Variants in NXN observed in about 807,000 individuals in gnomAD.
NXN encodes the protein nucleoredoxin 1.
Under a neutral mutation model 48.6 loss-of-function variants are expected in NXN, and 16 were observed. The ratio of observed to expected loss-of-function variants is 0.33; its 90% CI spans 0.22 to 0.50. NXN has a LOEUF of 0.50. Among genes scored for constraint, NXN ranks in the 20% least tolerant of loss-of-function variants. NXN has a pLI of 0.98. For synonymous variants in NXN, 281 were observed against 269.6 expected (o/e 1.04, Z -0.41); for missense variants, 492 against 605.5 (o/e 0.81, Z 1.97).
In NXN at chr17:814,529, T is replaced by G. The variant is rs571169600; in HGVS notation, c.820+4910A>C. On this transcript the variant is annotated intron_variant, in intron 5 of 7. Transcript: ENST00000336868. ...GCAGCTCCACTCTAAGTGACAAGTG[T>G]CCGTCTTCCAGGCCCTCGTACGAAA... 5.3e-5 allele frequency among the ~76,000 whole-genome samples: 8 copies of G among 152,296 alleles called. No individual in the cohort carries two copies. In the South Asian group the frequency reaches 1.4e-3, roughly 28 times the overall value.
intron 1 of NXN, among the ~76,000 whole-genome samples, chr17:883,184 C>T (rs1002328199): frequency 7.2e-5 from 11 of 152,216 alleles, no homozygotes; most frequent in African/African-American, 2.4e-4. Flanking sequence ...GGCCTTGTTT[C>T]CTATCTCTCC....
intron 1 of NXN, among the ~76,000 whole-genome samples, chr17:974,273 C>A (rs1181634531): frequency 6.6e-6 from 1 of 151,804 alleles, no homozygotes; most frequent in Non-Finnish European, 1.5e-5. Flanking sequence ...ATGGCGTGAA[C>A]CCGGGAGGCG....
chr17:870,995 A>C (rs537936714), intron 1 of NXN, among the ~76,000 whole-genome samples: 18 of 152,022 alleles, frequency 1.2e-4, no homozygotes, highest in African/African-American at 4.1e-4. Context: ...AGTAGCTCGG[A>C]CTACAGGCGC....
intron 1 of NXN, among the ~76,000 whole-genome samples, chr17:900,190 G>T (rs987355339): frequency 6.9e-6 from 1 of 144,120 alleles, no homozygotes; most frequent in African/African-American, 2.6e-5. Flanking sequence ...GCTTGAACCC[G>T]GGGGGGCAGA....
chr17:885,921 C>A (rs1287451543), intron 1 of NXN, among the ~76,000 whole-genome samples: 1 of 151,820 alleles, frequency 6.6e-6, no homozygotes, highest in Non-Finnish European at 1.5e-5. Context: ...ATCTCCTGAC[C>A]TCGTGATCCG....
chr17:938,865 G>C (rs1361708407), intron 1 of NXN, among the ~76,000 whole-genome samples: 3 of 152,060 alleles, frequency 2.0e-5, no homozygotes, highest in Non-Finnish European at 2.9e-5. Context: ...TTCAAGACCA[G>C]CCTGGCCAAC....
chr17:894,989 C>T (rs188198141), intron 1 of NXN, among the ~76,000 whole-genome samples: 2,194 of 137,958 alleles, frequency 0.016, 31 homozygotes, highest in Non-Finnish European at 0.024. Context: ...TCCTTTCACC[C>T]TTTCCTTTTT....
intron 1 of NXN, among the ~76,000 whole-genome samples, chr17:930,774 CT>C (rs66910992): frequency 0.43 from 61,222 of 142,294 alleles, 14,721 homozygotes; most frequent in Admixed American, 0.54. Context: ...GTTGAGTTTG[CT>C]TTTTTTTTTT....
At chr17:884,421 T>C (rs186960134) in intron 1 of NXN, among the ~76,000 whole-genome samples, 8 of 139,790 alleles carry the variant, frequency 5.7e-5, no homozygotes, top group East Asian at 3.9e-4. Flanking sequence ...ATAATAATCA[T>C]GTAAAAAAAA....
At chr17:897,061 G>T in intron 1 of NXN, 1 of 1,071,862 alleles carries the variant, frequency 9.3e-7, no homozygotes. Flanking sequence ...ACACACGCGT[G>T]AGCTTTGACA....
chr17:937,883 T>A (rs2068926950), intron 1 of NXN, among the ~76,000 whole-genome samples: 1 of 152,164 alleles, frequency 6.6e-6, no homozygotes, highest in Non-Finnish European at 1.5e-5. Flanking sequence ...GGCTTTGAAG[T>A]CACATAGCCC....
intron 1 of NXN, among the ~76,000 whole-genome samples, chr17:865,716 G>T: frequency 6.6e-6 from 1 of 151,808 alleles, no homozygotes; most frequent in African/African-American, 2.4e-5. Context: ...GGGCGCAGTG[G>T]CTCACGCCTG....
At chr17:969,884 T>G (rs2069353044) in intron 1 of NXN, among the ~76,000 whole-genome samples, 1 of 152,184 alleles carries the variant, frequency 6.6e-6, no homozygotes, top group Non-Finnish European at 1.5e-5. Context: ...GTTTGGTGAC[T>G]GTTCGACAAC....
rs189426671 is a variant in NXN at position 891,008 on chromosome 17, A to T, written c.361-64930T>A. On this transcript the variant is annotated intron_variant, in intron 1 of 7. Coordinates refer to ENST00000336868, the MANE Select transcript of NXN (RefSeq NM_022463.5). ...TGTATTTTTCCCTTACAAATCAATCAATCTATCTATCGGTCTGTCTGTCTG... is the reference window on the plus strand; with the variant it reads ...TGTATTTTTCCCTTACAAATCAATCTATCTATCTATCGGTCTGTCTGTCTG... Among the ~76,000 whole-genome samples the T allele has an allele frequency of 1.3e-3, 169 of 129,058 alleles. 2 individuals carry two copies. The highest frequency in any genetic ancestry group is 4.4e-3 in the African/African-American group (162 of 36,456). 84.7% of individuals were successfully genotyped at this position (129,058 alleles called of 152,430 possible). A position where few individuals can be genotyped will look rare whatever the true frequency, so the allele number is the denominator to read the frequency against.
chr17:954,777 G>A (rs2069147667), intron 1 of NXN, among the ~76,000 whole-genome samples: 1 of 149,438 alleles, frequency 6.7e-6, no homozygotes, highest in Non-Finnish European at 1.5e-5. Flanking sequence ...CATCTGGATG[G>A]AATGGAATGG....
chr17:844,351 G>A (rs112940660), intron 1 of NXN, among the ~76,000 whole-genome samples: 1,294 of 128,018 alleles, frequency 0.01, 14 homozygotes, highest in African/African-American at 0.036. Flanking sequence ...GCCATCATAC[G>A]TCCCGTCCTG....
At chr17:854,654 C>CAAAAA (rs538020306) in intron 1 of NXN, among the ~76,000 whole-genome samples, 1 of 62,096 alleles carries the variant, frequency 1.6e-5, no homozygotes. Flanking sequence ...GACTCTGTCT[C>CAAAAA]AAAAAAAAAA....
chr17:900,913 CTTT>C (rs11367844), intron 1 of NXN, among the ~76,000 whole-genome samples: 49 of 75,864 alleles, frequency 6.5e-4, no homozygotes, highest in East Asian at 4.4e-3. Flanking sequence ...GATCTGCATT[CTTT>C]TTTTTTTTTT....
chr17:846,656 T>C (rs2067865624), intron 1 of NXN, among the ~76,000 whole-genome samples: 1 of 151,990 alleles, frequency 6.6e-6, no homozygotes, highest in African/African-American at 2.4e-5. Context: ...TAATCCCAGT[T>C]GGATAAACAT....
Sources: gnomAD v4.1 joint callset for allele counts (sites outside exome capture counted in the v4.1 genomes callset) on GRCh38, gnomAD v4.1.1 for gene constraint, MANE v1.5 for transcripts, NCBI Gene and HGNC (gene_info 2026-07-23, HGNC 2026-07-21) for gene names.